Variants in SMYD3 observed in about 807,000 individuals in gnomAD.
SMYD3 encodes the protein SET and MYND domain containing 3.
SMYD3 carries 36 observed loss-of-function variants against 57.7 expected under a neutral mutation model. The ratio of observed to expected loss-of-function variants is 0.62; its 90% CI spans 0.48 to 0.82. The LOEUF (loss-of-function observed/expected upper bound fraction) is 0.82, where lower values mean the gene tolerates loss of function less well. Among genes scored for constraint, SMYD3 ranks in the 40% least tolerant of loss-of-function variants. SMYD3 has a pLI of 0.00. For missense variants in SMYD3, 515 were observed against 538.8 expected (o/e 0.96, Z 0.44); for synonymous variants, 211 against 195.0 (o/e 1.08, Z -0.68).
chr1:246,161,639 G>T (rs2062122092), intron 5 of SMYD3, among the ~76,000 whole-genome samples: 1 of 152,194 alleles, frequency 6.6e-6, no homozygotes, highest in African/African-American at 2.4e-5. Flanking sequence ...CAGTAAACCT[G>T]CAACAAAGTG....
intron 7 of SMYD3, among the ~76,000 whole-genome samples, chr1:245,923,777 C>A (rs2056163985): frequency 1.3e-5 from 2 of 152,172 alleles, no homozygotes; most frequent in Non-Finnish European, 2.9e-5. Flanking sequence ...CATCTTAATT[C>A]TATTATTGTT....
chr1:246,299,001 T>C (rs1294285076), intron 5 of SMYD3, among the ~76,000 whole-genome samples: 1 of 152,132 alleles, frequency 6.6e-6, no homozygotes, highest in African/African-American at 2.4e-5. Context: ...AGTGTTCTTG[T>C]ATAGGGTTGG....
At chr1:245,980,234 A>T (rs151287091) in intron 5 of SMYD3, among the ~76,000 whole-genome samples, 55 of 152,278 alleles carry the variant, frequency 3.6e-4, no homozygotes, top group Non-Finnish European at 5.4e-4. Context: ...TTTACTGTGA[A>T]CTCACCTAGG....
chr1:246,201,678 C>CG (rs2062924921), intron 5 of SMYD3, among the ~76,000 whole-genome samples: 1 of 152,130 alleles, frequency 6.6e-6, no homozygotes, highest in Admixed American at 6.5e-5. Flanking sequence ...CATAATGATC[C>CG]GGTTCACATC....
intron 1 of SMYD3, among the ~76,000 whole-genome samples, chr1:246,433,165 C>A (rs1348855329): frequency 6.6e-6 from 1 of 152,112 alleles, no homozygotes; most frequent in African/African-American, 2.4e-5. Flanking sequence ...CATTTCTATA[C>A]CCCTATAACA....
chr1:245,822,262 T>C (rs1436940395), intron 10 of SMYD3, among the ~76,000 whole-genome samples: 5 of 151,218 alleles, frequency 3.3e-5, no homozygotes, highest in African/African-American at 4.9e-5. Flanking sequence ...ATGGATGAAA[T>C]TGGAAATCAT....
At chr1:246,460,854 T>A (rs2067786881) in intron 1 of SMYD3, among the ~76,000 whole-genome samples, 1 of 152,214 alleles carries the variant, frequency 6.6e-6, no homozygotes, top group African/African-American at 2.4e-5. Flanking sequence ...CAATTCAGCA[T>A]GTCAGAATTA....
In SMYD3 at chr1:245,915,752, C is replaced by T. The variant is rs3753687; in HGVS notation, c.703-112G>A. The stretch of plus-strand genomic sequence containing the variant: ...AGTAAAACTTGTTTTTATTATAAAC[C>T]AAAAATATAAGAGAGAAGGTACTGC... On this transcript the variant is annotated intron_variant, in intron 7 of 11. Transcript: ENST00000490107. 6.6e-3 allele frequency: 4,108 copies of T among 627,166 alleles called. 237 individuals are homozygous for T. In the East Asian group the frequency reaches 0.11, roughly 16 times the overall value. The allele number at this position is 627,166 out of a possible 1,614,324, so 38.9% of individuals were successfully genotyped here. A position where few individuals can be genotyped will look rare whatever the true frequency, so the allele number is the denominator to read the frequency against.
intron 1 of SMYD3, among the ~76,000 whole-genome samples, chr1:246,505,386 A>G (rs2068520625): frequency 6.6e-6 from 1 of 151,768 alleles, no homozygotes; most frequent in East Asian, 1.9e-4. Flanking sequence ...ACAAAGAAGA[A>G]TGGTTGAGAG....
chr1:246,139,788 A>C (rs1039296599), intron 5 of SMYD3, among the ~76,000 whole-genome samples: 29 of 152,228 alleles, frequency 1.9e-4, no homozygotes, highest in African/African-American at 6.3e-4. Context: ...AAAGAATTGA[A>C]TATTTCATCA....
chr1:246,383,450 G>A (rs2066422127), intron 1 of SMYD3, among the ~76,000 whole-genome samples: 1 of 152,104 alleles, frequency 6.6e-6, no homozygotes, highest in South Asian at 2.1e-4. Context: ...TTAATCAAAT[G>A]TCTAGGTGAT....
intron 5 of SMYD3, among the ~76,000 whole-genome samples, chr1:246,231,128 C>T (rs72774473): frequency 0.18 from 26,991 of 152,070 alleles, 2,750 homozygotes; most frequent in East Asian, 0.34. Flanking sequence ...TGGCATTGGA[C>T]GTGCTCGGAT....
chr1:246,395,959 T>C (rs2066664745), intron 1 of SMYD3, among the ~76,000 whole-genome samples: 1 of 152,190 alleles, frequency 6.6e-6, no homozygotes, highest in South Asian at 2.1e-4. Context: ...ACACCTAAGA[T>C]GATAGGGTGG....
chr1:246,163,782 T>C (rs1178533174), intron 5 of SMYD3, among the ~76,000 whole-genome samples: 2 of 152,254 alleles, frequency 1.3e-5, no homozygotes, highest in African/African-American at 4.8e-5. Flanking sequence ...AAAGTGCTTC[T>C]GAGACCTGGA....
chr1:246,233,680 A>G (rs7366288), intron 5 of SMYD3, among the ~76,000 whole-genome samples: 8 of 130,732 alleles, frequency 6.1e-5, no homozygotes, highest in African/African-American at 1.2e-4. Context: ...GAGGAGAAGC[A>G]CTCCTTCAAT....
intron 10 of SMYD3, among the ~76,000 whole-genome samples, chr1:245,798,407 T>TACACACACACACACACACACACAAAC (rs1402299710): frequency 6.1e-5 from 1 of 16,304 alleles, no homozygotes; most frequent in African/African-American, 2.1e-4. Flanking sequence ...CACACACACA[T>TACACACACACACACACACACACAAAC]ACACACACAT....
At chr1:246,030,693 C>T (rs959522438) in intron 5 of SMYD3, among the ~76,000 whole-genome samples, 1 of 151,952 alleles carries the variant, frequency 6.6e-6, no homozygotes, top group Admixed American at 6.6e-5. Context: ...TATGTGTCAA[C>T]TAAAAAGGAA....
intron 10 of SMYD3, among the ~76,000 whole-genome samples, chr1:245,773,113 A>G (rs1226279771): frequency 6.7e-6 from 1 of 148,490 alleles, no homozygotes; most frequent in Non-Finnish European, 1.5e-5. Context: ...AAAAAAAAGC[A>G]TGATAGCATC....
intron 10 of SMYD3, among the ~76,000 whole-genome samples, chr1:245,768,838 G>A (rs919996701): frequency 1.3e-5 from 2 of 152,044 alleles, no homozygotes; most frequent in African/African-American, 2.4e-5. Flanking sequence ...ACAACCTGCT[G>A]GCACCTTCAT....
Sources: allele counts gnomAD v4.1 joint callset (sites outside exome capture counted in the v4.1 genomes callset), GRCh38; gene constraint gnomAD v4.1.1; transcripts MANE v1.5; gene names NCBI Gene and HGNC (gene_info 2026-07-23, HGNC 2026-07-21).